PAM: variants seen among roughly 807,000 people sequenced by gnomAD.
PAM encodes peptidyl-glycine alpha-amidating monooxygenase.
A neutral mutation model predicts 122.1 loss-of-function variants in PAM; 72 were observed. The observed-to-expected ratio is 0.59, with a 90% CI of 0.49 to 0.72. The LOEUF (loss-of-function observed/expected upper bound fraction) is 0.72, where lower values mean the gene tolerates loss of function less well. PAM is among the 30% of genes least tolerant of loss of function. The pLI is 0.00. For synonymous variants in PAM, 389 were observed against 404.4 expected (o/e 0.96, Z 0.46); for missense variants, 1,106 against 1,183.7 (o/e 0.93, Z 0.96).
intron 14 of PAM, among the ~76,000 whole-genome samples, chr5:102,963,752 T>C (rs1763210976): frequency 6.6e-6 from 1 of 151,706 alleles, no homozygotes; most frequent in Admixed American, 6.6e-5. Flanking sequence ...TGGGTACAGA[T>C]AGTTCTGTAA....
chr5:103,012,024 A>G (rs745914755), intron 21 of PAM, among the ~76,000 whole-genome samples: 2 of 152,196 alleles, frequency 1.3e-5, no homozygotes, highest in Non-Finnish European at 2.9e-5. Flanking sequence ...GATGTTGAGC[A>G]CTTTTCCATA....
At chr5:102,801,004 A>G (rs1411288892) in intron 1 of PAM, among the ~76,000 whole-genome samples, 2 of 152,124 alleles carry the variant, frequency 1.3e-5, no homozygotes, top group African/African-American at 4.8e-5. Flanking sequence ...AAGTATATAT[A>G]TTTTATATAC....
intron 5 of PAM, among the ~76,000 whole-genome samples, chr5:102,922,648 G>T (rs1581725964): frequency 6.6e-6 from 1 of 152,116 alleles, no homozygotes; most frequent in South Asian, 2.1e-4. Flanking sequence ...TTTCAATCTG[G>T]TTCTTTCTAG....
chr5:103,026,068 T>G (rs1257655024), intron 24 of PAM, among the ~76,000 whole-genome samples: 1 of 152,208 alleles, frequency 6.6e-6, no homozygotes, highest in Non-Finnish European at 1.5e-5. Context: ...TCATCAGCCT[T>G]CCATAACTGA....
chr5:102,880,412 A>G (rs1790601101), intron 3 of PAM, among the ~76,000 whole-genome samples: 1 of 152,222 alleles, frequency 6.6e-6, no homozygotes, highest in Non-Finnish European at 1.5e-5. Context: ...GAATATTTAT[A>G]AAAATTACAT....
intron 5 of PAM, among the ~76,000 whole-genome samples, chr5:102,922,415 A>T (rs1389834646): frequency 6.6e-6 from 1 of 152,164 alleles, no homozygotes; most frequent in African/African-American, 2.4e-5. Flanking sequence ...GAGCAATGGA[A>T]ATAAGGAAGA....
At chr5:102,911,280 T>TAA in intron 4 of PAM, among the ~76,000 whole-genome samples, 1 of 152,084 alleles carries the variant, frequency 6.6e-6, no homozygotes, top group Non-Finnish European at 1.5e-5. Context: ...ACTTCTAATA[T>TAA]ACTTAGCATT....
chr5:102,862,960 C>T (rs1581073606), intron 1 of PAM, among the ~76,000 whole-genome samples: 1 of 151,186 alleles, frequency 6.6e-6, no homozygotes, highest in African/African-American at 2.4e-5. Context: ...ATTTATTTGG[C>T]TCTTTGACCA....
intron 5 of PAM, among the ~76,000 whole-genome samples, chr5:102,919,514 T>C (rs757755197): frequency 6.6e-6 from 1 of 152,094 alleles, no homozygotes; most frequent in Non-Finnish European, 1.5e-5. Flanking sequence ...CTTTGTTTTT[T>C]CTGCCGTAGG....
intron 1 of PAM, among the ~76,000 whole-genome samples, chr5:102,831,872 TTCTCTC>T (rs35019489): frequency 8.1e-5 from 12 of 148,752 alleles, no homozygotes; most frequent in South Asian, 2.1e-4. Context: ...GGAACTAGTC[TTCTCTC>T]TCTCTCTCTC....
At chr5:103,026,138 T>C (rs1270718426) in intron 24 of PAM, among the ~76,000 whole-genome samples, 2 of 152,122 alleles carry the variant, frequency 1.3e-5, no homozygotes, top group South Asian at 2.1e-4. Flanking sequence ...CAATATAGGA[T>C]CCAAGAGCTG....
At chr5:102,883,837 T>G (rs897219461) in intron 3 of PAM, among the ~76,000 whole-genome samples, 1 of 151,928 alleles carries the variant, frequency 6.6e-6, no homozygotes, top group African/African-American at 2.4e-5. Flanking sequence ...CAGTATAATG[T>G]TGGCTGTTGG....
At chr5:102,889,871 T>C (rs992421453) in intron 3 of PAM, among the ~76,000 whole-genome samples, 62 of 152,034 alleles carry the variant, frequency 4.1e-4, no homozygotes, top group African/African-American at 1.5e-3. Flanking sequence ...ACTACTTTTT[T>C]AGTCCTTACA....
At chr5:102,992,441 C>A (rs2150830003) in intron 16 of PAM, among the ~76,000 whole-genome samples, 1 of 152,198 alleles carries the variant, frequency 6.6e-6, no homozygotes, top group South Asian at 2.1e-4. Flanking sequence ...TCTTTTCTGG[C>A]ACTCAGCTCT....
At chr5:102,851,006 G>C (rs1781234106) in intron 1 of PAM, among the ~76,000 whole-genome samples, 2 of 152,174 alleles carry the variant, frequency 1.3e-5, no homozygotes, top group Non-Finnish European at 1.5e-5. Context: ...AAGCAGATTA[G>C]TTTATTGACT....
At chr5:102,895,222 A>AC (rs767245691) in intron 3 of PAM, among the ~76,000 whole-genome samples, 4 of 151,716 alleles carry the variant, frequency 2.6e-5, no homozygotes, top group South Asian at 4.2e-4. Context: ...AACATTGCCA[A>AC]CCCCCCTTGA....
chr5:102,918,625 TAATC>T (rs1010122383), intron 5 of PAM, among the ~76,000 whole-genome samples: 27 of 152,170 alleles, frequency 1.8e-4, no homozygotes, highest in Non-Finnish European at 2.9e-4. Context: ...TTTTTACTCT[TAATC>T]AATTTTTTAA....
intron 20 of PAM, 93 bp downstream of exon 20, chr5:103,007,750 C>G: frequency 1.3e-6 from 1 of 776,206 alleles, no homozygotes; most frequent in Non-Finnish European, 2.1e-6. Flanking sequence ...TATAAATTTT[C>G]TTTGCTATAT....
chr5:102,833,382 C>T (rs1436917130), intron 1 of PAM, among the ~76,000 whole-genome samples: 1 of 152,100 alleles, frequency 6.6e-6, no homozygotes, highest in Non-Finnish European at 1.5e-5. Flanking sequence ...AGATATCTGC[C>T]TTCAAGGGGC....
Sources: gnomAD v4.1 joint callset for allele counts (sites outside exome capture counted in the v4.1 genomes callset) on GRCh38, gnomAD v4.1.1 for gene constraint, MANE v1.5 for transcripts, NCBI Gene and HGNC (gene_info 2026-07-23, HGNC 2026-07-21) for gene names.